The following PARP1 variants were observed in gnomAD, a reference collection of about 807,000 sequenced individuals.
PARP1 encodes the protein poly(ADP-ribose) polymerase 1, also known as poly [ADP-ribose] polymerase 1.
PARP1 carries 44 observed loss-of-function variants against 118.7 expected under a neutral mutation model. That is an observed-to-expected ratio of 0.37 (90% CI 0.29 to 0.48). The LOEUF (loss-of-function observed/expected upper bound fraction) is 0.48. Ranked by LOEUF, PARP1 falls within the 20% of genes least tolerant of loss-of-function variation. The pLI, the probability that PARP1 is intolerant of heterozygous loss-of-function variation, is 0.99. For missense variants in PARP1, 1,100 were observed against 1,272.4 expected (o/e 0.86, Z 2.06); for synonymous variants, 492 against 483.2 (o/e 1.02, Z -0.24).
At chr1:226,406,827 G>T (rs373953830) in intron 1 of PARP1, among the ~76,000 whole-genome samples, 1 of 152,168 alleles carries the variant, frequency 6.6e-6, no homozygotes, top group East Asian at 1.9e-4. Context: ...CTCGGTAAAT[G>T]TCGCCCTCCC....
chr1:226,382,946 T>C (rs1438127300), intron 8 of PARP1, 90 bp downstream of exon 8: 3 of 1,434,830 alleles, frequency 2.1e-6, no homozygotes, highest in Non-Finnish European at 2.0e-6. Flanking sequence ...CCTTGACGGA[T>C]ACTTTCTTCA....
Position 226,364,989 on chromosome 1 carries a change from G to T in PARP1, c.2658+13C>A, listed in dbSNP as rs1174290619. 6.2e-7 allele frequency: 1 copy of T among 1,613,168 alleles called. No homozygotes were observed. The highest frequency in any genetic ancestry group is 1.7e-5 in the Admixed American group (1 of 60,012). Reference sequence around the variant, plus strand: ...ACAGGCATTGCCCACCCCTCGCCAGGCCAGGCACATACCACGGGCGCTTCA... The same window carrying T: ...ACAGGCATTGCCCACCCCTCGCCAGTCCAGGCACATACCACGGGCGCTTCA... On this transcript the variant is annotated intron_variant, in intron 19 of 22. Coordinates refer to ENST00000366794, the MANE Select transcript of PARP1 (RefSeq NM_001618.4).
chr1:226,397,464 C>G (rs201054083), intron 2 of PARP1, among the ~76,000 whole-genome samples: 1 of 151,764 alleles, frequency 6.6e-6, no homozygotes, highest in African/African-American at 2.4e-5. Flanking sequence ...CCAGCTGCTG[C>G]AAGGGCAGAC....
At chr1:226,396,730 T>A (rs1039985891) in intron 2 of PARP1, among the ~76,000 whole-genome samples, 4 of 152,026 alleles carry the variant, frequency 2.6e-5, no homozygotes, top group African/African-American at 9.7e-5. Context: ...ATTATAAAAT[T>A]ACACTTAGGT....
In PARP1 at chr1:226,363,160, C is replaced by T. The variant is rs777424665; in HGVS notation, c.2787G>A (p.Met929Ile). 1.7e-5 allele frequency: 27 copies of T among 1,611,198 alleles called. No individual in the cohort carries two copies. In the South Asian group the frequency reaches 2.6e-4, roughly 16 times the overall value. The change falls in exon 21 of 23, where the codon ATG (methionine) becomes ATA (isoleucine). Residue 929 changes from methionine to isoleucine, a missense_variant and splice_region_variant. By Grantham distance (10) the Met-to-Ile change is conservative. This residue lies in a region of PARP1 where 152 missense variants were observed against 240.6 expected (regional missense o/e 0.63). Coordinates refer to ENST00000366794, the MANE Select transcript of PARP1 (RefSeq NM_001618.4). The stretch of plus-strand genomic sequence containing the variant: ...TATGTGAAGCGTGCTTCAGTTCATA[C>T]CTATTCAAAAGAGGACAGTCTCAGA... ...ILLGEVALGN[M>I]YELKHASHIS...
chr1:226,390,653 G>C, intron 3 of PARP1, 29 bp from the exon 4 acceptor site: 1 of 1,599,942 alleles, frequency 6.3e-7, no homozygotes, highest in Non-Finnish European at 8.6e-7. Context: ...GTGGTACCAA[G>C]GGAGCGACAA....
Position 226,368,151 on chromosome 1 carries a change from ACACC to A in PARP1, c.2277+44_2277+47del, listed in dbSNP as rs771910087. 2.2e-5 allele frequency: 35 copies of A among 1,612,998 alleles called. No homozygotes were observed. In the African/African-American group the frequency reaches 4.5e-4, roughly 21 times the overall value. On this transcript the variant is annotated intron_variant, in intron 16 of 22. Transcript: ENST00000366794. Reference sequence around the variant, plus strand: ...GGGGAGGGACGGCTGCAAGGTAGTCACACCCCAGCCCAGCAGACCTGCAGTCCCT... The same window carrying A: ...GGGGAGGGACGGCTGCAAGGTAGTCACCAGCCCAGCAGACCTGCAGTCCCT...
At chr1:226,407,741 C>A (rs1441332891) in intron 1 of PARP1, 69 bp downstream of exon 1, 8 of 1,516,962 alleles carry the variant, frequency 5.3e-6, no homozygotes, top group Non-Finnish European at 7.1e-6. Flanking sequence ...CGCCCTCCCC[C>A]AGCCTTCCCG....
intron 7 of PARP1, 36 bp from the exon 8 acceptor site, chr1:226,383,219 C>G: frequency 6.3e-7 from 1 of 1,596,768 alleles, no homozygotes. Flanking sequence ...GAAGCCAGCT[C>G]TCCCTTGAGG....
At chr1:226,401,251 T>C (rs527993031) in intron 2 of PARP1, among the ~76,000 whole-genome samples, 57 of 152,264 alleles carry the variant, frequency 3.7e-4, no homozygotes, top group African/African-American at 1.3e-3. Context: ...TTGGCTTCGC[T>C]CTGGAAAGCA....
chr1:226,381,450 C>T (rs1466816098), intron 8 of PARP1, among the ~76,000 whole-genome samples: 3 of 152,218 alleles, frequency 2.0e-5, no homozygotes, highest in African/African-American at 4.8e-5. Context: ...AGGCCAGCCT[C>T]GCGGCGTGAG....
chr1:226,407,078 C>G (rs149264177), intron 1 of PARP1, among the ~76,000 whole-genome samples: 162 of 152,238 alleles, frequency 1.1e-3, no homozygotes, highest in African/African-American at 3.9e-3. Flanking sequence ...TCAAGCCCAC[C>G]ACCTCACAGA....
At chr1:226,361,816 G>C (rs1418045366) in intron 22 of PARP1, 153 bp downstream of exon 22, 1 of 702,846 alleles carries the variant, frequency 1.4e-6, no homozygotes, top group African/African-American at 1.8e-5. Flanking sequence ...GCTATGCACA[G>C]GGAGGGACCA....
At position 226,368,205 on chromosome 1, in the gene PARP1, A is replaced by C; in HGVS notation, c.2271T>G (p.Ser757Arg). The C allele has an allele frequency of 2.5e-6, 4 of 1,614,198 alleles. No homozygotes were observed. The highest frequency in any genetic ancestry group is 3.4e-6 in the Non-Finnish European group (4 of 1,180,028). ...TTCTGAACCCTTGCGCTACCTGCAC[A>C]CTGTCTGCATTGTTCAGGAGCGGAG... ...KKPPLLNNAD[S>R]VQAKVEMLDN... The change falls in exon 16 of 23, where the codon AGT becomes AGG. Residue 757 changes from serine (S) to arginine (R), a missense_variant. This residue lies in a region of PARP1 where 948 missense variants were observed against 1,031.8 expected (regional missense o/e 0.92). Transcript: ENST00000366794.
Position 226,380,093 on chromosome 1 carries a change from A to G in PARP1, c.1372T>C (p.Phe458Leu). 6.2e-7 allele frequency: 1 copy of G among 1,614,234 alleles called. No individual in the cohort carries two copies. The highest frequency in any genetic ancestry group is 2.2e-5 in the East Asian group (1 of 44,886). Residue 458 changes from phenylalanine to leucine, a missense_variant, in exon 10 of 23, where the codon TTC (phenylalanine) becomes CTC (leucine). By Grantham distance (22) the Phe-to-Leu change is conservative. Transcript: ENST00000366794. Reference sequence around the variant, plus strand: ...GTGGAGGCGGAGACGTCCTGGAGGAAGTCCTCAGACACAACTCGGATGTTG... The same window carrying G: ...GTGGAGGCGGAGACGTCCTGGAGGAGGTCCTCAGACACAACTCGGATGTTG... ...EANIRVVSED[F>L]LQDVSASTKS...
At chr1:226,389,323 C>T (rs1664780027) in intron 4 of PARP1, among the ~76,000 whole-genome samples, 1 of 152,212 alleles carries the variant, frequency 6.6e-6, no homozygotes, top group South Asian at 2.1e-4. Context: ...CCCCAGCTGG[C>T]TCAGCAAACA....
chr1:226,389,661 T>C (rs1228239119), intron 4 of PARP1, among the ~76,000 whole-genome samples: 1 of 152,210 alleles, frequency 6.6e-6, no homozygotes, highest in African/African-American at 2.4e-5. Context: ...GCCTGATTTT[T>C]CAGTTTTCTT....
At chr1:226,392,429 G>A in intron 2 of PARP1, 115 bp from the exon 3 acceptor site, 1 of 774,838 alleles carries the variant, frequency 1.3e-6, no homozygotes, top group Non-Finnish European at 2.3e-6. Flanking sequence ...CTTATGCCTT[G>A]GGAGACTACG....
At chr1:226,404,887 CCA>C (rs984942109) in intron 1 of PARP1, among the ~76,000 whole-genome samples, 3 of 152,148 alleles carry the variant, frequency 2.0e-5, no homozygotes, top group African/African-American at 7.2e-5. Flanking sequence ...TCCACCTAGG[CCA>C]CAGAGAGAAT....
Sources: gnomAD v4.1 joint callset for allele counts (sites outside exome capture counted in the v4.1 genomes callset) on GRCh38, gnomAD v4.1.1 for gene constraint, gnomAD v4.1.1 regional missense constraint, MANE v1.5 for transcripts, NCBI Gene and HGNC (gene_info 2026-07-23, HGNC 2026-07-21) for gene names.